RUBCN: variants seen among roughly 807,000 people sequenced by gnomAD.
RUBCN encodes the protein run domain Beclin-1-interacting and cysteine-rich domain-containing protein.
RUBCN carries 74 observed loss-of-function variants against 113.2 expected under a neutral mutation model. The ratio of observed to expected loss-of-function variants is 0.65; its 90% CI spans 0.54 to 0.79. RUBCN has a LOEUF of 0.79. RUBCN is among the 30% of genes least tolerant of loss of function. RUBCN has a pLI of 0.00. For synonymous variants in RUBCN, 480 were observed against 490.0 expected, an observed-to-expected ratio of 0.98 and a Z score of 0.27; for missense variants, 1,109 against 1,251.7, an observed-to-expected ratio of 0.89 and a Z score of 1.72.
At chr3:197,698,492 G>A (rs1401740536) in intron 7 of RUBCN, among the ~76,000 whole-genome samples, 1 of 152,026 alleles carries the variant, frequency 6.6e-6, no homozygotes, top group Non-Finnish European at 1.5e-5. Flanking sequence ...CTATGCAATA[G>A]CTGGAATGGG....
chr3:197,684,066 G>T, intron 12 of RUBCN, 91 bp downstream of exon 12: 1 of 1,011,440 alleles, frequency 9.9e-7, no homozygotes, highest in Non-Finnish European at 1.6e-6. Context: ...CATCTGGATG[G>T]CTTTGCCCAG....
chr3:197,740,192 T>G (rs1728466962), upstream of RUBCN, among the ~76,000 whole-genome samples: 1 of 152,008 alleles, frequency 6.6e-6, no homozygotes, highest in South Asian at 2.1e-4. Context: ...ATGCGTTACC[T>G]ATCCCATCCC....
intron 1 of RUBCN, among the ~76,000 whole-genome samples, chr3:197,745,449 C>G (rs1728701941): frequency 6.6e-6 from 1 of 150,680 alleles, no homozygotes; most frequent in African/African-American, 2.4e-5. Flanking sequence ...AACACTGTCT[C>G]TACTAAAAAT....
At chr3:197,701,889 A>C (rs1723722376) in intron 5 of RUBCN, 25 bp from the exon 6 acceptor site, 4 of 1,612,284 alleles carry the variant, frequency 2.5e-6, no homozygotes, top group Non-Finnish European at 3.4e-6. Flanking sequence ...AAAACCAAAA[A>C]ATGTGTCAGA....
At chr3:197,727,005 T>C (rs1726840179) in intron 1 of RUBCN, among the ~76,000 whole-genome samples, 1 of 150,480 alleles carries the variant, frequency 6.6e-6, no homozygotes, top group African/African-American at 2.5e-5. Flanking sequence ...AGTGGTGCGA[T>C]CTCAGCTCAC....
chr3:197,671,008 C>CT lies in RUBCN; in HGVS notation c.*4009dup. On this transcript the variant is annotated 3_prime_UTR_variant, in exon 20 of 20. Coordinates refer to ENST00000296343, the MANE Select transcript of RUBCN (RefSeq NM_014687.4). Reference sequence around the variant, plus strand: ...CCCCTCATGCCACAGTGTGCTGGTGCTTTTTTTGTTTTGTTTTGTTTTTTT... The same window carrying CT: ...CCCCTCATGCCACAGTGTGCTGGTGCTTTTTTTTGTTTTGTTTTGTTTTTTT... Among the ~76,000 whole-genome samples the CT allele has an allele frequency of 6.6e-6, 1 of 152,094 alleles. No homozygotes were observed. Among genetic ancestry groups the CT allele is most frequent in the South Asian group, 2.1e-4 (1 of 4,814 alleles).
At position 197,700,974 on chromosome 3, in the gene RUBCN, G is replaced by C. The variant is rs1226834230; in HGVS notation, c.900C>G (p.Thr300=). ...TGACCCAGGATGCCTCTATGGGGCT[G>C]GTCAGAGTACTGGAGCTCATTTCAT... ...TPNEMSSSTL[T]SPIEASWVSS... The change falls in exon 7 of 20, where the codon ACC becomes ACG. Residue 300 remains threonine (T), a synonymous_variant. Coordinates refer to ENST00000296343, the MANE Select transcript of RUBCN (RefSeq NM_014687.4). The C allele has an allele frequency of 6.2e-7, 1 of 1,614,054 alleles. No individual in the cohort carries two copies. Among genetic ancestry groups the C allele is most frequent in the African/African-American group, 1.3e-5 (1 of 74,912 alleles).
At chr3:197,706,079 AT>A (rs1328799623) in intron 2 of RUBCN, among the ~76,000 whole-genome samples, 2 of 152,192 alleles carry the variant, frequency 1.3e-5, no homozygotes, top group Non-Finnish European at 2.9e-5. Flanking sequence ...CTAAAAAATA[AT>A]TCTTAAAACT....
At position 197,701,098 on chromosome 3, in the gene RUBCN, T is replaced by A; in HGVS notation, c.776A>T (p.Gln259Leu). 1 of 1,590,976 alleles carries A rather than the reference T, an allele frequency of 6.3e-7. No homozygotes were observed. ...FPLSGPPRKP[Q>L]ESRGHVSPAE... The stretch of plus-strand genomic sequence containing the variant: ...TGGTGAGACGTGCCCTCTGCTTTCT[T>A]GAGGTTTCCGGGGAGGGCCAGAGAG... The change falls in exon 7 of 20, where the codon CAA becomes CTA. Residue 259 changes from glutamine (Q) to leucine (L), a missense_variant. By Grantham distance (113) the Gln-to-Leu change is moderately radical. Transcript: ENST00000296343.
At chr3:197,700,150 G>A (rs59690143) in intron 7 of RUBCN, among the ~76,000 whole-genome samples, 4,998 of 152,200 alleles carry the variant, frequency 0.033, 267 homozygotes, top group African/African-American at 0.11. Flanking sequence ...TTGCTGGATC[G>A]CATCACCCTG....
intron 1 of RUBCN, among the ~76,000 whole-genome samples, chr3:197,733,977 C>T (rs533720856): frequency 6.6e-5 from 10 of 152,118 alleles, no homozygotes; most frequent in Admixed American, 4.6e-4. Flanking sequence ...AGACTCGGGC[C>T]GGGCACGGTG....
At chr3:197,713,909 C>T (rs1242830137) in intron 2 of RUBCN, among the ~76,000 whole-genome samples, 1 of 151,774 alleles carries the variant, frequency 6.6e-6, no homozygotes, top group Admixed American at 6.6e-5. Context: ...CCTGTCTCTA[C>T]TAAAAATACA....
intron 11 of RUBCN, among the ~76,000 whole-genome samples, chr3:197,685,452 C>A (rs1325222817): frequency 6.6e-6 from 1 of 152,170 alleles, no homozygotes; most frequent in Non-Finnish European, 1.5e-5. Context: ...CCTCTGTATG[C>A]AGATTTTTGT....
chr3:197,740,223 T>C (rs910349413), upstream of RUBCN, among the ~76,000 whole-genome samples: 2 of 127,790 alleles, frequency 1.6e-5, no homozygotes, highest in Non-Finnish European at 3.4e-5. Context: ...CTCATAATCC[T>C]GAACCCCTTC....
chr3:197,713,852 A>G (rs1428169932), intron 2 of RUBCN, among the ~76,000 whole-genome samples: 1 of 152,036 alleles, frequency 6.6e-6, no homozygotes. Context: ...AGGTGGGCGA[A>G]TCATGAGCTC....
chr3:197,749,186 T>A lies in RUBCN; in HGVS notation c.-116+83A>T, dbSNP rs893491961. The A allele has an allele frequency of 4.1e-6, 3 of 739,148 alleles. No homozygotes were observed. The African/African-American group carries it at 5.7e-5, about 14-fold the overall frequency. The allele number at this position is 739,148 out of a possible 1,614,324, so 45.8% of individuals were successfully genotyped here. A position where few individuals can be genotyped will look rare whatever the true frequency, so the allele number is the denominator to read the frequency against. ...TTAAACTGTTTTCCCGTAGGGATGATTAAAAAGTAAACGAACCCTTCTATC... is the reference window on the plus strand; with the variant it reads ...TTAAACTGTTTTCCCGTAGGGATGAATAAAAAGTAAACGAACCCTTCTATC... On this transcript the variant is annotated intron_variant, in intron 1 of 20. Coordinates refer to the RUBCN transcript ENST00000273582.
At chr3:197,726,205 T>A (rs765221930) in intron 1 of RUBCN, among the ~76,000 whole-genome samples, 1 of 152,218 alleles carries the variant, frequency 6.6e-6, no homozygotes, top group Non-Finnish European at 1.5e-5. Flanking sequence ...AGGGACTATG[T>A]ATCTTCTATT....
chr3:197,710,771 A>T (rs1030401258), intron 2 of RUBCN, among the ~76,000 whole-genome samples: 79 of 152,288 alleles, frequency 5.2e-4, no homozygotes, highest in African/African-American at 1.9e-3. Flanking sequence ...CAGGGAAAAA[A>T]ATTCAATGAC....
In RUBCN at chr3:197,668,932, G is replaced by GA. The variant is rs1255273194; in HGVS notation, c.*6085dup. Among the ~76,000 whole-genome samples the GA allele has an allele frequency of 1.3e-5, 2 of 152,070 alleles. No individual in the cohort carries two copies. Among genetic ancestry groups the GA allele is most frequent in the Non-Finnish European group, 2.9e-5 (2 of 68,012 alleles). ...AGCTAATTCAGTAAGCAGATAAGAG[G>GA]AAAAAATACTCCACAATGCCACCAT... On this transcript the variant is annotated 3_prime_UTR_variant, in exon 20 of 20. Coordinates refer to ENST00000296343, the MANE Select transcript of RUBCN (RefSeq NM_014687.4).
Sources: allele counts gnomAD v4.1 joint callset (sites outside exome capture counted in the v4.1 genomes callset), GRCh38; gene constraint gnomAD v4.1.1; transcripts MANE v1.5; gene names NCBI Gene and HGNC (gene_info 2026-07-23, HGNC 2026-07-21).